CDH23: variants seen among roughly 807,000 people sequenced by gnomAD.
CDH23 encodes cadherin related 23, also known as cadherin-23.
In CDH23, 189 loss-of-function variants were observed where a neutral mutation model predicts 317.1. The observed-to-expected ratio is 0.60, with a 90% CI of 0.53 to 0.67. The LOEUF (loss-of-function observed/expected upper bound fraction) is 0.67, where lower values mean the gene tolerates loss of function less well. Among genes scored for constraint, CDH23 ranks in the 30% least tolerant of loss-of-function variants. CDH23 has a pLI of 0.00. For synonymous variants in CDH23, 1,839 were observed against 1,876.8 expected (o/e 0.98, Z 0.52); for missense variants, 4,401 against 4,592.4 (o/e 0.96, Z 1.20).
At chr10:71,724,299 T>C (rs1045889220) in intron 29 of CDH23, among the ~76,000 whole-genome samples, 194 bp downstream of exon 29, 1 of 152,140 alleles carries the variant, frequency 6.6e-6, no homozygotes, top group Admixed American at 6.5e-5. Context: ...GCTTTTTTGA[T>C]TATTTGTTTT....
intron 3 of CDH23, among the ~76,000 whole-genome samples, chr10:71,507,803 T>C (rs1348767119): frequency 6.6e-6 from 1 of 152,248 alleles, no homozygotes; most frequent in Non-Finnish European, 1.5e-5. Context: ...TGGAAAGATG[T>C]GCTTGGTTTA....
At chr10:71,420,445 T>TGATGGTGATGATGATG (rs1848716750) in intron 1 of CDH23, among the ~76,000 whole-genome samples, 3 of 26,698 alleles carry the variant, frequency 1.1e-4, no homozygotes, top group Non-Finnish European at 2.1e-4. Flanking sequence ...TGATGGTCAT[T>TGATGGTGATGATGATG]ATGATGGTGA....
chr10:71,485,777 C>A (rs973212415), intron 3 of CDH23, among the ~76,000 whole-genome samples: 2 of 152,174 alleles, frequency 1.3e-5, no homozygotes, highest in African/African-American at 4.8e-5. Flanking sequence ...ATGCTGGAGT[C>A]CCTTACTCCA....
intron 28 of CDH23, chr10:71,715,644 G>A (rs1866181161): frequency 3.4e-6 from 1 of 295,656 alleles, no homozygotes; most frequent in South Asian, 1.3e-4. Flanking sequence ...GCCCCAGGTT[G>A]TACCCTGTGG....
intron 3 of CDH23, among the ~76,000 whole-genome samples, chr10:71,447,357 C>T (rs1282694667): frequency 2.6e-5 from 4 of 152,140 alleles, no homozygotes; most frequent in Non-Finnish European, 5.9e-5. Context: ...ATGCATAATT[C>T]TTCAACGATC....
At chr10:71,446,437 G>T in intron 3 of CDH23, 42 bp downstream of exon 3, 1 of 1,574,926 alleles carries the variant, frequency 6.3e-7, no homozygotes, top group Non-Finnish European at 8.7e-7. Flanking sequence ...GATGGCCTGG[G>T]GTGCAATCCC....
chr10:71,753,104 C>A (rs1840047747), intron 38 of CDH23: 1 of 1,373,962 alleles, frequency 7.3e-7, no homozygotes. Context: ...CAGGAGCGAG[C>A]CCAGGAGGGC....
At chr10:71,469,615 G>T (rs10999832) in intron 3 of CDH23, among the ~76,000 whole-genome samples, 61,630 of 140,980 alleles carry the variant, frequency 0.44, 12,735 homozygotes, top group East Asian at 0.63. Context: ...TCCCCCCCTT[G>T]TTTTTTTTGA....
intron 6 of CDH23, among the ~76,000 whole-genome samples, chr10:71,557,757 G>A (rs150668819): frequency 0.012 from 1,771 of 152,198 alleles, 34 homozygotes; most frequent in African/African-American, 0.041. Flanking sequence ...ATGAAATTTG[G>A]TGCCACTTTG....
intron 6 of CDH23, among the ~76,000 whole-genome samples, chr10:71,517,162 G>A (rs1051316175): frequency 2.6e-5 from 4 of 152,352 alleles, no homozygotes; most frequent in Admixed American, 1.3e-4. Flanking sequence ...AAAGTACTTT[G>A]CTCGGCCAGC....
At chr10:71,400,232 T>C (rs141390067) in intron 1 of CDH23, among the ~76,000 whole-genome samples, 4 of 151,904 alleles carry the variant, frequency 2.6e-5, no homozygotes, top group Non-Finnish European at 5.9e-5. Flanking sequence ...GGCCTGAGAG[T>C]AGGAGATTTG....
intron 3 of CDH23, among the ~76,000 whole-genome samples, chr10:71,459,510 A>G (rs958935373): frequency 6.6e-6 from 1 of 152,208 alleles, no homozygotes; most frequent in Admixed American, 6.5e-5. Flanking sequence ...GCTCGGGGAC[A>G]GGAATGATAT....
At chr10:71,716,379 C>T in intron 28 of CDH23, 1 of 1,446,386 alleles carries the variant, frequency 6.9e-7, no homozygotes. Context: ...AAAGGCAGAT[C>T]AGCTGGACCC....
At chr10:71,738,367 G>A in intron 34 of CDH23, 131 bp from the exon 35 acceptor site, 1 of 1,039,622 alleles carries the variant, frequency 9.6e-7, no homozygotes, top group Non-Finnish European at 1.5e-6. Flanking sequence ...GGCTTCGGTG[G>A]GCTCTGAGGG....
chr10:71,665,138 C>A (rs1037036537), intron 14 of CDH23, among the ~76,000 whole-genome samples: 6 of 152,180 alleles, frequency 3.9e-5, no homozygotes, highest in African/African-American at 1.4e-4. Flanking sequence ...TCAGTTCCTG[C>A]CCTCATAAAG....
At chr10:71,686,297 G>A (rs1421523187) in intron 18 of CDH23, among the ~76,000 whole-genome samples, 2 of 151,998 alleles carry the variant, frequency 1.3e-5, no homozygotes, top group Non-Finnish European at 2.9e-5. Context: ...GCTCGCACCC[G>A]CACCAGGGAC....
At chr10:71,532,711 GTTTTTT>G (rs531593760) in intron 6 of CDH23, among the ~76,000 whole-genome samples, 214 of 127,786 alleles carry the variant, frequency 1.7e-3, no homozygotes, top group East Asian at 3.2e-3. Flanking sequence ...TTTTGTTTTT[GTTTTTT>G]TTTTTTTTTG....
chr10:71,447,058 G>A (rs1025657421), intron 3 of CDH23, among the ~76,000 whole-genome samples: 1 of 152,188 alleles, frequency 6.6e-6, no homozygotes, highest in Admixed American at 6.5e-5. Context: ...CACCTCCACC[G>A]ACAGCCCTCC....
At chr10:71,640,744 ACT>A (rs1056103128) in intron 11 of CDH23, among the ~76,000 whole-genome samples, 7 of 151,808 alleles carry the variant, frequency 4.6e-5, no homozygotes, top group African/African-American at 1.5e-4. Context: ...ACCAAGCAAG[ACT>A]CTGTCTGAAA....
Sources: gnomAD v4.1 joint callset for allele counts (sites outside exome capture counted in the v4.1 genomes callset) on GRCh38, gnomAD v4.1.1 for gene constraint, MANE v1.5 for transcripts, NCBI Gene and HGNC (gene_info 2026-07-23, HGNC 2026-07-21) for gene names.